TRIM2: variants seen among roughly 807,000 people sequenced by gnomAD.
TRIM2 encodes the protein tripartite motif-containing protein 2.
A neutral mutation model predicts 75.2 loss-of-function variants in TRIM2; 20 were observed. That is an observed-to-expected ratio of 0.27 (90% CI 0.19 to 0.39). TRIM2 has a LOEUF of 0.39. TRIM2 is among the 10% of genes least tolerant of loss of function. The pLI, the probability that TRIM2 is intolerant of heterozygous loss-of-function variation, is 1.00. For synonymous variants in TRIM2, 373 were observed against 388.3 expected (o/e 0.96, Z 0.46); for missense variants, 660 against 990.8 (o/e 0.67, Z 4.48).
Position 153,335,852 on chromosome 4 carries a change from T to C in TRIM2, c.*886T>C. The C allele has an allele frequency of 1.0e-6, 1 of 985,776 alleles. No homozygotes were observed. The highest frequency in any genetic ancestry group is 1.2e-6 in the Non-Finnish European group (1 of 829,884). 61.1% of individuals were successfully genotyped at this position (985,776 alleles called of 1,614,324 possible). ...CTTCGACTTCCTGAAAGCGAAAGCTTTACCTCCTGCAAATGTCAGCACATG... is the reference window on the plus strand; with the variant it reads ...CTTCGACTTCCTGAAAGCGAAAGCTCTACCTCCTGCAAATGTCAGCACATG... On this transcript the variant is annotated 3_prime_UTR_variant, in exon 12 of 12. Coordinates refer to ENST00000338700, the MANE Select transcript of TRIM2 (RefSeq NM_015271.5).
At chr4:153,296,984 C>T (rs1188846947) in intron 6 of TRIM2, among the ~76,000 whole-genome samples, 2 of 152,162 alleles carry the variant, frequency 1.3e-5, no homozygotes, top group African/African-American at 2.4e-5. Context: ...AGGAAGTGGA[C>T]TTTTTTAAAT....
chr4:153,316,841 A>C (rs112030629), intron 8 of TRIM2, among the ~76,000 whole-genome samples: 93 of 147,800 alleles, frequency 6.3e-4, no homozygotes, highest in African/African-American at 2.1e-3. Context: ...ACACGTCGTC[A>C]AAGATCTTTG....
At chr4:153,276,190 C>A in intron 3 of TRIM2, 60 bp downstream of exon 3, 1 of 1,396,212 alleles carries the variant, frequency 7.2e-7, no homozygotes, top group African/African-American at 1.4e-5. Flanking sequence ...CTTGGGGAGG[C>A]TTTGGGTACA....
intron 1 of TRIM2, among the ~76,000 whole-genome samples, chr4:153,160,744 A>G (rs1295318010): frequency 6.6e-6 from 1 of 152,168 alleles, no homozygotes; most frequent in Non-Finnish European, 1.5e-5. Context: ...ATAGGCATGC[A>G]CCACCACACC....
intron 1 of TRIM2, among the ~76,000 whole-genome samples, chr4:153,228,891 C>G (rs763404813): frequency 6.6e-6 from 1 of 152,168 alleles, no homozygotes; most frequent in Non-Finnish European, 1.5e-5. Flanking sequence ...TTTCCCCCCA[C>G]AAATGGTGTC....
intron 1 of TRIM2, among the ~76,000 whole-genome samples, chr4:153,246,813 C>A (rs1749291171): frequency 6.6e-6 from 1 of 152,176 alleles, no homozygotes; most frequent in South Asian, 2.1e-4. Flanking sequence ...TCAGGCCTCA[C>A]CTGACCGTGC....
chr4:153,181,382 G>A (rs1470171607), intron 1 of TRIM2, among the ~76,000 whole-genome samples: 1 of 152,090 alleles, frequency 6.6e-6, no homozygotes, highest in Non-Finnish European at 1.5e-5. Flanking sequence ...TTTCAGGAGA[G>A]GGGAATGGTT....
chr4:153,232,286 G>T (rs1184058955), intron 1 of TRIM2, among the ~76,000 whole-genome samples: 63 of 152,254 alleles, frequency 4.1e-4, no homozygotes, highest in Non-Finnish European at 4.4e-5. Flanking sequence ...GCCGAGGCAG[G>T]CAGATGGATC....
chr4:153,241,004 G>T (rs553059851), intron 1 of TRIM2, among the ~76,000 whole-genome samples: 1 of 152,326 alleles, frequency 6.6e-6, no homozygotes, highest in Non-Finnish European at 1.5e-5. Flanking sequence ...TTGAACCTGG[G>T]AGGCGGAGGT....
intron 1 of TRIM2, among the ~76,000 whole-genome samples, chr4:153,180,178 C>T (rs12509529): frequency 0.23 from 34,955 of 152,100 alleles, 4,536 homozygotes; most frequent in African/African-American, 0.34. Context: ...GAATGATTTG[C>T]CTTCAAGAAA....
At position 153,339,218 on chromosome 4, in the gene TRIM2, CAATT is replaced by C; in HGVS notation, c.*4257_*4260del. 4.1e-6 allele frequency: 4 copies of C among 984,710 alleles called. No individual in the cohort carries two copies. The highest frequency in any genetic ancestry group is 4.8e-6 in the Non-Finnish European group (4 of 828,902). The allele number at this position is 984,710 out of a possible 1,614,324, so 61.0% of individuals were successfully genotyped here. On this transcript the variant is annotated 3_prime_UTR_variant, in exon 12 of 12. Transcript: ENST00000338700. ...ATGCTTTAGTCTACAATGAAACTTTCAATTAATTCTGTCTTGAAACATAGGAGAA... is the reference window on the plus strand; with the variant it reads ...ATGCTTTAGTCTACAATGAAACTTTCAATTCTGTCTTGAAACATAGGAGAA...
intron 1 of TRIM2, among the ~76,000 whole-genome samples, chr4:153,252,401 C>A (rs1389336672): frequency 6.6e-6 from 1 of 152,222 alleles, no homozygotes; most frequent in East Asian, 1.9e-4. Context: ...TATGGTTACT[C>A]CATCCTGGGC....
Position 153,308,103 on chromosome 4 carries a change from C to T in TRIM2, c.1511-7382C>T, listed in dbSNP as rs17008344. On this transcript the variant is annotated intron_variant, in intron 6 of 11. Coordinates refer to ENST00000338700, the MANE Select transcript of TRIM2 (RefSeq NM_015271.5). ...AAATACTTTCTGGAAGTGGGACATG[C>T]TCCGCTCGGTCATGACGCTGATCCA... 0.013 allele frequency: 11,324 copies of T among 903,970 alleles called. 834 individuals carry two copies. In the African/African-American group the frequency reaches 0.16, roughly 13 times the overall value. 56.0% of individuals were successfully genotyped at this position (903,970 alleles called of 1,614,324 possible).
chr4:153,162,938 C>T (rs983529351), intron 1 of TRIM2, among the ~76,000 whole-genome samples: 1 of 152,156 alleles, frequency 6.6e-6, no homozygotes, highest in African/African-American at 2.4e-5. Context: ...GGACCATGCT[C>T]TCCAGAACTG....
At chr4:153,267,229 T>A (rs73854639) in intron 1 of TRIM2, among the ~76,000 whole-genome samples, 138 of 152,272 alleles carry the variant, frequency 9.1e-4, no homozygotes, top group African/African-American at 3.2e-3. Flanking sequence ...GCAGCCTTTT[T>A]AAAACACAAG....
At chr4:153,271,166 T>G (rs1056496778) in intron 2 of TRIM2, among the ~76,000 whole-genome samples, 2 of 152,222 alleles carry the variant, frequency 1.3e-5, no homozygotes, top group Non-Finnish European at 2.9e-5. Context: ...TAACTTACCA[T>G]GTAAGCAATT....
At position 153,204,463 on chromosome 4, in the gene TRIM2, G is replaced by C. The variant is rs546836033; in HGVS notation, c.-68G>C. The C allele has an allele frequency of 6.5e-7, 1 of 1,533,986 alleles. No homozygotes were observed. The highest frequency in any genetic ancestry group is 1.2e-5 in the South Asian group (1 of 83,656). On this transcript the variant is annotated 5_prime_UTR_variant, in exon 1 of 12. It removes an upstream start codon present in the reference 5' UTR. Coordinates refer to ENST00000338700, the MANE Select transcript of TRIM2 (RefSeq NM_015271.5). Reference sequence around the variant, plus strand: ...AACTCGGCAGCTTGATGACTATAATGGGCCCAGTTGTCTGCGGGCTGCGGG... The same window carrying C: ...AACTCGGCAGCTTGATGACTATAATCGGCCCAGTTGTCTGCGGGCTGCGGG...
chr4:153,314,087 TA>T (rs1451440422), intron 6 of TRIM2, among the ~76,000 whole-genome samples: 4 of 152,182 alleles, frequency 2.6e-5, no homozygotes, highest in Non-Finnish European at 1.5e-5. Context: ...AAATAAATCA[TA>T]AAAACTTCTT....
intron 1 of TRIM2, among the ~76,000 whole-genome samples, chr4:153,263,854 A>G (rs567042212): frequency 6.6e-6 from 1 of 152,322 alleles, no homozygotes; most frequent in Non-Finnish European, 1.5e-5. Flanking sequence ...GTGGGAAAGC[A>G]GTCTCCCTCT....
Sources: allele counts gnomAD v4.1 joint callset (sites outside exome capture counted in the v4.1 genomes callset), GRCh38; gene constraint gnomAD v4.1.1; transcripts MANE v1.5; gene names NCBI Gene and HGNC (gene_info 2026-07-23, HGNC 2026-07-21).